The following NEBL variants were observed in gnomAD, a reference collection of about 807,000 sequenced individuals.
NEBL encodes nebulette, also known as LIM and SH3 protein 2.
In NEBL, 122 loss-of-function variants were observed where a neutral mutation model predicts 140.2. The observed-to-expected ratio is 0.87, with a 90% CI of 0.75 to 1.01. The LOEUF (loss-of-function observed/expected upper bound fraction) is 1.01, where lower values mean the gene tolerates loss of function less well. Ranked by LOEUF, NEBL falls within the 50% of genes least tolerant of loss-of-function variation. The pLI is 0.00. For synonymous variants in NEBL, 436 were observed against 398.9 expected, an observed-to-expected ratio of 1.09 and a Z score of -1.11; for missense variants, 1,365 against 1,231.3, an observed-to-expected ratio of 1.11 and a Z score of -1.62.
intron 2 of NEBL, among the ~76,000 whole-genome samples, chr10:21,119,077 CA>C (rs1838406145): frequency 2.0e-5 from 3 of 152,110 alleles, no homozygotes; most frequent in African/African-American, 7.2e-5. Context: ...TTCTCTACTC[CA>C]AAAATAGTTA....
At chr10:21,169,067 A>ATATAT (rs1554830680) in intron 2 of NEBL, among the ~76,000 whole-genome samples, 74 of 22,896 alleles carry the variant, frequency 3.2e-3, no homozygotes, top group Non-Finnish European at 4.8e-3. Context: ...AAAAAAAAAA[A>ATATAT]ATATATATAT....
At chr10:21,204,506 C>T (rs1841795491) in intron 3 of NEBL, among the ~76,000 whole-genome samples, 2 of 152,042 alleles carry the variant, frequency 1.3e-5, no homozygotes, top group Admixed American at 1.3e-4. Flanking sequence ...AGCAAGAAGG[C>T]AGCTGTCTGC....
At chr10:20,918,191 G>A (rs555725337) in intron 4 of NEBL, among the ~76,000 whole-genome samples, 153 of 152,046 alleles carry the variant, frequency 1.0e-3, no homozygotes, top group African/African-American at 2.2e-3. Context: ...AAACCCTGTC[G>A]CTACTAAAAT....
At chr10:21,066,357 T>C (rs571264915) in intron 2 of NEBL, among the ~76,000 whole-genome samples, 17 of 152,344 alleles carry the variant, frequency 1.1e-4, no homozygotes, top group African/African-American at 4.1e-4. Flanking sequence ...TGAATAAAAT[T>C]CTCTATTTCT....
At chr10:21,137,162 G>C (rs555485457) in intron 2 of NEBL, among the ~76,000 whole-genome samples, 2 of 152,296 alleles carry the variant, frequency 1.3e-5, no homozygotes, top group African/African-American at 4.8e-5. Flanking sequence ...TGTGACTCTG[G>C]ACAATGAATT....
intron 4 of NEBL, among the ~76,000 whole-genome samples, chr10:20,924,374 T>C (rs1833760668): frequency 7.6e-6 from 1 of 130,980 alleles, no homozygotes; most frequent in Admixed American, 9.7e-5. Context: ...ATTTGACAGA[T>C]GTGTATCAAA....
At chr10:21,111,369 GCTGGTA>G (rs1838005768) in intron 2 of NEBL, among the ~76,000 whole-genome samples, 1 of 151,934 alleles carries the variant, frequency 6.6e-6, no homozygotes, top group South Asian at 2.1e-4. Flanking sequence ...GTAAAAACAG[GCTGGTA>G]CTGGTACCAA....
At chr10:21,216,965 G>C (rs935619356) in intron 3 of NEBL, among the ~76,000 whole-genome samples, 2 of 151,124 alleles carry the variant, frequency 1.3e-5, no homozygotes, top group African/African-American at 4.9e-5. Flanking sequence ...TCCAGCCTGG[G>C]AGACAGAGCA....
chr10:21,076,913 T>TG (rs1032363523), intron 2 of NEBL, among the ~76,000 whole-genome samples: 1 of 151,404 alleles, frequency 6.6e-6, no homozygotes. Flanking sequence ...GAGGGGGAAA[T>TG]GGGGGGTTAG....
chr10:20,950,481 T>A (rs530466421), intron 4 of NEBL, among the ~76,000 whole-genome samples: 1 of 152,170 alleles, frequency 6.6e-6, no homozygotes, highest in Non-Finnish European at 1.5e-5. Context: ...CTCTTCTCCC[T>A]CATAAACACT....
chr10:20,933,075 G>A (rs1007561798), intron 4 of NEBL, among the ~76,000 whole-genome samples: 7 of 151,770 alleles, frequency 4.6e-5, no homozygotes, highest in African/African-American at 1.7e-4. Context: ...AAAAAAAAAA[G>A]GTACAATCGA....
At chr10:21,020,691 T>C (rs1838754090) in intron 2 of NEBL, among the ~76,000 whole-genome samples, 1 of 152,186 alleles carries the variant, frequency 6.6e-6, no homozygotes, top group Non-Finnish European at 1.5e-5. Flanking sequence ...AGACATCTTG[T>C]AGTCCTCCTC....
chr10:21,269,081 C>T lies in NEBL; in HGVS notation n.183-17253G>A, dbSNP rs191055007. Reference sequence around the variant, plus strand: ...GTCTCACAAGAATGCCAAAGAAGCACTGTGGGGATCCCCATTTCCTGCTGG... The same window carrying T: ...GTCTCACAAGAATGCCAAAGAAGCATTGTGGGGATCCCCATTTCCTGCTGG... On this transcript the variant is annotated intron_variant and non_coding_transcript_variant, in intron 1 of 8. Coordinates refer to the NEBL transcript ENST00000675702. 2.6e-5 allele frequency among the ~76,000 whole-genome samples: 4 copies of T among 152,308 alleles called. No homozygotes were observed. In the East Asian group the frequency reaches 7.7e-4, roughly 29 times the overall value.
rs1456542087 is a variant in NEBL at position 20,880,810 on chromosome 10, T to C, written c.464A>G (p.Asn155Ser). ...PPEVKHAMEV[N>S]KHQSNISYRK... ...CTTCCTTACATTACTCTGGTGTTTA[T>C]TGACCTCCATGGCATGTTTAACCTC... Residue 155 changes from asparagine to serine, a missense_variant, in exon 5 of 28, where the codon AAT becomes AGT. Coordinates refer to ENST00000377122, the MANE Select transcript of NEBL (RefSeq NM_006393.3). The C allele has an allele frequency of 6.2e-6, 10 of 1,612,722 alleles. No individual in the cohort carries two copies. The highest frequency in any genetic ancestry group is 1.7e-5 in the Admixed American group (1 of 59,984).
At chr10:21,041,439 A>G (rs1369491135) in intron 2 of NEBL, among the ~76,000 whole-genome samples, 1 of 152,188 alleles carries the variant, frequency 6.6e-6, no homozygotes, top group African/African-American at 2.4e-5. Context: ...ACCACTAACA[A>G]CCAAGGGAAG....
chr10:21,120,680 C>CAAAAAAA (rs66476160), intron 2 of NEBL, among the ~76,000 whole-genome samples: 3 of 71,234 alleles, frequency 4.2e-5, no homozygotes, highest in Admixed American at 3.8e-4. Flanking sequence ...TTCATGACAG[C>CAAAAAAA]AAAAAAAAAA....
chr10:21,165,998 A>G (rs902886523), intron 2 of NEBL, among the ~76,000 whole-genome samples: 3 of 152,074 alleles, frequency 2.0e-5, no homozygotes, highest in Admixed American at 2.0e-4. Context: ...ATGTGGGAGG[A>G]TCACGAGGTC....
intron 3 of NEBL, among the ~76,000 whole-genome samples, chr10:20,973,651 G>A (rs1179789736): frequency 6.6e-6 from 1 of 152,108 alleles, no homozygotes; most frequent in Non-Finnish European, 1.5e-5. Flanking sequence ...TTCTCTTCAC[G>A]TAGACTTTGT....
intron 2 of NEBL, chr10:21,146,624 C>T: frequency 2.9e-6 from 2 of 698,932 alleles, no homozygotes; most frequent in East Asian, 5.2e-5. Context: ...GTAACAAACA[C>T]ATTTGAAATA....
Sources: allele counts gnomAD v4.1 joint callset (sites outside exome capture counted in the v4.1 genomes callset), GRCh38; gene constraint gnomAD v4.1.1; transcripts MANE v1.5; gene names NCBI Gene and HGNC (gene_info 2026-07-23, HGNC 2026-07-21).